COPZ2: variants seen among roughly 807,000 people sequenced by gnomAD.
COPZ2 encodes coatomer subunit zeta-2.
A neutral mutation model predicts 33.2 loss-of-function variants in COPZ2; 30 were observed. The observed-to-expected ratio is 0.90, with a 90% CI of 0.68 to 1.23. The LOEUF is 1.23. Ranked by LOEUF, COPZ2 falls within the 50% of genes most tolerant of loss-of-function variation. COPZ2 has a pLI of 0.00. For missense variants in COPZ2, 263 were observed against 262.4 expected (o/e 1.00, Z -0.02); for synonymous variants, 89 against 102.6 (o/e 0.87, Z 0.80).
intron 3 of COPZ2, 106 bp downstream of exon 3, chr17:48,033,757 G>A (rs1050935808): frequency 5.8e-6 from 5 of 856,498 alleles, no homozygotes; most frequent in African/African-American, 5.0e-5. Flanking sequence ...CTGAAGAAAG[G>A]GAAATGGCCT....
intron 2 of COPZ2, 65 bp downstream of exon 2, chr17:48,036,786 T>C (rs2144314538): frequency 6.8e-7 from 1 of 1,473,342 alleles, no homozygotes; most frequent in East Asian, 2.3e-5. Flanking sequence ...CAGTGGAGTT[T>C]CTCCTGAGAC....
At chr17:48,038,438 GGTCTAA>G (rs1269073344), upstream of COPZ2, among the ~76,000 whole-genome samples, 1 of 152,014 alleles carries the variant, frequency 6.6e-6, no homozygotes, top group Non-Finnish European at 1.5e-5. Context: ...TGGTTTCTTT[GGTCTAA>G]GTCTAACTAA....
upstream of COPZ2, among the ~76,000 whole-genome samples, chr17:48,038,552 G>C (rs999377614): frequency 6.6e-5 from 10 of 152,176 alleles, no homozygotes; most frequent in Non-Finnish European, 8.8e-5. Context: ...AACACTGTGC[G>C]TGTATTTTAC....
chr17:48,031,777 C>T (rs1330988005), intron 6 of COPZ2: 5 of 255,958 alleles, frequency 2.0e-5, no homozygotes, highest in Non-Finnish European at 3.8e-5. Flanking sequence ...GGAATTGAGC[C>T]CTAAGAGCAG....
chr17:48,029,064 C>G, intron 7 of COPZ2, 61 bp downstream of exon 7: 1 of 1,480,380 alleles, frequency 6.8e-7, no homozygotes, highest in Non-Finnish European at 9.2e-7. Context: ...CCTAGCAGCC[C>G]TATTCCCAGG....
In COPZ2 at chr17:48,029,112, G is replaced by A. The variant is rs757280373; in HGVS notation, c.546+13C>T. The A allele has an allele frequency of 6.4e-7, 1 of 1,571,816 alleles. No homozygotes were observed. The highest frequency in any genetic ancestry group is 1.9e-5 in the Admixed American group (1 of 53,750). On this transcript the variant is annotated intron_variant, in intron 7 of 8. Transcript: ENST00000621465. ...GGCAGCCTAAAAGAGGAGGTGTCCA[G>A]GAAGACTCTTACCCTAAAATTCACC... is the stretch of plus-strand genomic sequence containing the variant.
chr17:48,035,004 G>C (rs1364470050), intron 2 of COPZ2, among the ~76,000 whole-genome samples: 1 of 152,122 alleles, frequency 6.6e-6, no homozygotes, highest in Non-Finnish European at 1.5e-5. Context: ...AAGAAGTCAG[G>C]TAACTTCCCC....
At chr17:48,045,642 G>A in the COPZ2 span, 27,063 of 152,298 alleles carry the variant, frequency 0.18, 2,959 homozygotes, top group Non-Finnish European at 0.24. Flanking sequence ...GCCTGGAGTC[G>A]CAGGGGCAAG....
intron 6 of COPZ2, 145 bp downstream of exon 6, chr17:48,032,011 G>A (rs2036900671): frequency 1.4e-6 from 1 of 693,024 alleles, no homozygotes; most frequent in Non-Finnish European, 2.6e-6. Flanking sequence ...TAAGGGGAAG[G>A]GCTAGGGGAA....
upstream of COPZ2, among the ~76,000 whole-genome samples, chr17:48,039,050 C>G (rs2037034383): frequency 6.6e-6 from 1 of 152,202 alleles, no homozygotes; most frequent in Non-Finnish European, 1.5e-5. Flanking sequence ...TCTGGGCTCA[C>G]TGCAGCCTCA....
chr17:48,042,281 G>A (rs981458171), upstream of COPZ2, among the ~76,000 whole-genome samples: 1 of 151,858 alleles, frequency 6.6e-6, no homozygotes, highest in Non-Finnish European at 1.5e-5. Context: ...TTACAGGTAT[G>A]CGCCACCACA....
chr17:48,033,955 G>A lies in COPZ2; in HGVS notation c.187-11C>T. ...TGTGTCATCATAATACTATGAGAAA[G>A]GGAAGGAGAAAGGACCATAGCTTTC... On this transcript the variant is annotated splice_polypyrimidine_tract_variant and intron_variant, in intron 2 of 8. Transcript: ENST00000621465. 1.3e-6 allele frequency: 2 copies of A among 1,587,730 alleles called. No homozygotes were observed. Among genetic ancestry groups the A allele is most frequent in the Non-Finnish European group, 1.7e-6 (2 of 1,160,432 alleles).
intron 6 of COPZ2, chr17:48,029,388 A>G: frequency 1.6e-6 from 1 of 622,388 alleles, no homozygotes; most frequent in South Asian, 1.9e-5. Context: ...CCAGTGGTCC[A>G]CATGCTTTGT....
intron 6 of COPZ2, among the ~76,000 whole-genome samples, chr17:48,031,417 C>T (rs1471403828): frequency 6.6e-6 from 1 of 150,578 alleles, no homozygotes; most frequent in African/African-American, 2.5e-5. Flanking sequence ...ACGCCACTTA[C>T]TGCACACCAG....
chr17:48,041,197 T>C (rs999089682), upstream of COPZ2, among the ~76,000 whole-genome samples: 1 of 151,264 alleles, frequency 6.6e-6, no homozygotes, highest in Admixed American at 6.6e-5. Flanking sequence ...TGTACAAATA[T>C]TTATTGAGTG....
intron 4 of COPZ2, 129 bp from the exon 5 acceptor site, chr17:48,032,870 G>A (rs1324290698): frequency 2.9e-5 from 21 of 721,356 alleles, no homozygotes; most frequent in South Asian, 1.4e-4. Flanking sequence ...GACTGACTGC[G>A]GTGTGACATT....
At chr17:48,040,019 G>A (rs1475458129), upstream of COPZ2, among the ~76,000 whole-genome samples, 1 of 152,026 alleles carries the variant, frequency 6.6e-6, no homozygotes, top group Non-Finnish European at 1.5e-5. Flanking sequence ...CTACTCGGGA[G>A]GCTGAGGCAG....
chr17:48,039,945 C>A (rs923352532), upstream of COPZ2, among the ~76,000 whole-genome samples: 2 of 152,040 alleles, frequency 1.3e-5, no homozygotes, highest in Non-Finnish European at 2.9e-5. Context: ...CATGGTGAAA[C>A]CCCATCTCTA....
Position 48,028,873 on chromosome 17 carries a change from G to C in COPZ2, c.546+252C>G, listed in dbSNP as rs1468006583. On this transcript the variant is annotated intron_variant, in intron 7 of 8. Coordinates refer to ENST00000621465, the MANE Select transcript of COPZ2 (RefSeq NM_016429.4). The surrounding 1 kb of genome is among the most constrained non-coding windows in gnomAD (Gnocchi z 4.5). ...CTTTGAAGATGTATTTATTTCCCCA[G>C]TCTATACTTCCTACCAGGAAAGAGG... Among the ~76,000 whole-genome samples the C allele has an allele frequency of 6.6e-6, 1 of 152,150 alleles. No homozygotes were observed. The highest frequency in any genetic ancestry group is 6.5e-5 in the Admixed American group (1 of 15,282).
Sources: gnomAD v4.1 joint callset for allele counts (sites outside exome capture counted in the v4.1 genomes callset) on GRCh38, gnomAD v4.1.1 for gene constraint, Gnocchi (gnomAD v3.1) non-coding constraint, MANE v1.5 for transcripts, NCBI Gene and HGNC (gene_info 2026-07-23, HGNC 2026-07-21) for gene names.